LARGE1: variants seen among roughly 807,000 people sequenced by gnomAD.
LARGE1 encodes xylosyl- and glucuronyltransferase LARGE1.
Under a neutral mutation model 87.6 loss-of-function variants are expected in LARGE1, and 43 were observed. That is an observed-to-expected ratio of 0.49 (90% CI 0.38 to 0.63). LARGE1 has a LOEUF of 0.63. Among genes scored for constraint, LARGE1 ranks in the 30% least tolerant of loss-of-function variants. The pLI, the probability that LARGE1 is intolerant of heterozygous loss-of-function variation, is 0.00. For missense variants in LARGE1, 802 were observed against 1,000.2 expected (o/e 0.80, Z 2.67); for synonymous variants, 434 against 394.6 (o/e 1.10, Z -1.18).
intron 6 of LARGE1, among the ~76,000 whole-genome samples, chr22:33,559,609 T>C (rs921821875): frequency 6.6e-6 from 1 of 152,228 alleles, no homozygotes; most frequent in African/African-American, 2.4e-5. Flanking sequence ...GGCTCTACTC[T>C]TAACGCCATT....
At chr22:33,487,566 A>C (rs892550923) in intron 6 of LARGE1, among the ~76,000 whole-genome samples, 1 of 152,178 alleles carries the variant, frequency 6.6e-6, no homozygotes, top group Non-Finnish European at 1.5e-5. Context: ...GTAATCAGAG[A>C]AAGTGCCTAT....
chr22:33,321,212 T>G (rs543824927), intron 10 of LARGE1, among the ~76,000 whole-genome samples: 1 of 152,330 alleles, frequency 6.6e-6, no homozygotes, highest in Non-Finnish European at 1.5e-5. Context: ...ATCATAGTGA[T>G]TATCACAGGA....
intron 7 of LARGE1, among the ~76,000 whole-genome samples, chr22:33,399,173 TCTG>T (rs2065854657): frequency 6.6e-6 from 1 of 152,026 alleles, no homozygotes; most frequent in Admixed American, 6.6e-5. Context: ...TGTGTGATGT[TCTG>T]CTCCCTGTGT....
At chr22:33,645,762 C>T (rs936553367) in intron 3 of LARGE1, among the ~76,000 whole-genome samples, 2 of 152,018 alleles carry the variant, frequency 1.3e-5, no homozygotes, top group African/African-American at 4.8e-5. Context: ...AACAAATGAC[C>T]CCATCAAAAA....
the LARGE1 span, among the ~76,000 whole-genome samples, chr22:33,087,408 GA>G: frequency 6.6e-6 from 1 of 151,920 alleles, no homozygotes; most frequent in Non-Finnish European, 1.5e-5. Context: ...TGCTGTGTAG[GA>G]AAAAAACATT....
intron 1 of LARGE1, among the ~76,000 whole-genome samples, chr22:33,889,578 C>T (rs1201548936): frequency 6.6e-6 from 1 of 152,174 alleles, no homozygotes; most frequent in African/African-American, 2.4e-5. Context: ...CAACTCACGC[C>T]AAGACCATTG....
intron 9 of LARGE1, among the ~76,000 whole-genome samples, chr22:33,366,095 T>G (rs2064579737): frequency 6.6e-6 from 1 of 152,266 alleles, no homozygotes; most frequent in African/African-American, 2.4e-5. Context: ...ATTTGGCCCT[T>G]CACTTTCTAA....
At chr22:33,137,542 G>A in the LARGE1 span, among the ~76,000 whole-genome samples, 6 of 152,224 alleles carry the variant, frequency 3.9e-5, no homozygotes, top group African/African-American at 1.4e-4. Flanking sequence ...ATTTGCATAT[G>A]TAATGAGGAG....
In LARGE1 at chr22:33,384,219, G is replaced by A. The variant is rs2065251221; in HGVS notation, c.978C>T (p.Gly326=). 6.2e-7 allele frequency: 1 copy of A among 1,614,056 alleles called. No individual in the cohort carries two copies. The highest frequency in any genetic ancestry group is 1.7e-4 in the Middle Eastern group (1 of 6,050). ...GGTCAGCTAAGGATGTAGAGAGCAT[G>A]CCCATGAGCTCCCTCTCTGCGGTCA... The part of the protein sequence containing the change: ...WRLTAERELM[G]MLSTSLADQD... The change falls in exon 8 of 15, where the codon GGC becomes GGT. Residue 326 remains glycine (G), a synonymous_variant. Transcript: ENST00000397394.
chr22:33,332,026 TCAACA>T (rs1937777235), intron 10 of LARGE1, among the ~76,000 whole-genome samples: 1 of 152,052 alleles, frequency 6.6e-6, no homozygotes, highest in African/African-American at 2.4e-5. Context: ...TAACCCTCAC[TCAACA>T]GTGACTGCAA....
At chr22:33,591,173 C>T (rs531674705) in intron 5 of LARGE1, among the ~76,000 whole-genome samples, 75 of 152,336 alleles carry the variant, frequency 4.9e-4, no homozygotes, top group African/African-American at 1.8e-3. Context: ...TGCACTCCAG[C>T]CTGGGCAAAG....
At chr22:33,891,473 T>C (rs2146834152) in intron 1 of LARGE1, among the ~76,000 whole-genome samples, 1 of 151,030 alleles carries the variant, frequency 6.6e-6, no homozygotes, top group East Asian at 2.0e-4. Flanking sequence ...GAGGATGCCA[T>C]TCTATTAGGA....
rs373243760 is a variant in LARGE1 at position 33,472,927 on chromosome 22, T to C, written c.788-40662A>G. On this transcript the variant is annotated intron_variant, in intron 6 of 14. Coordinates refer to ENST00000397394, the MANE Select transcript of LARGE1 (RefSeq NM_133642.5). ...TATCTTTCTGCATTTGTAGCTGTCA[T>C]GTGTAAAGGAATTCTGTTGATGCCT... Among the ~76,000 whole-genome samples, 489 of 152,332 alleles carry C rather than the reference T, an allele frequency of 3.2e-3. 3 individuals carry two copies. The highest frequency in any genetic ancestry group is 0.022 in the South Asian group (104 of 4,832).
At chr22:33,551,135 C>T (rs1015459628) in intron 6 of LARGE1, among the ~76,000 whole-genome samples, 3 of 151,580 alleles carry the variant, frequency 2.0e-5, no homozygotes, top group Admixed American at 1.3e-4. Context: ...AAAGCCCTGA[C>T]TTCACCACTA....
Position 33,609,529 on chromosome 22 carries a change from G to T in LARGE1, c.492-4971C>A, listed in dbSNP as rs114500761. Among the ~76,000 whole-genome samples the T allele has an allele frequency of 3.7e-3, 566 of 152,296 alleles. 4 individuals carry two copies. Among genetic ancestry groups the T allele is most frequent in the African/African-American group, 0.013 (540 of 41,566 alleles). On this transcript the variant is annotated intron_variant, in intron 4 of 14. Coordinates refer to ENST00000397394, the MANE Select transcript of LARGE1 (RefSeq NM_133642.5). ...TGGGAGCTCTAAATGGGCAGAGGAG[G>T]AGAAAGGGAGGCATTCAGCAGGGAA...
intron 11 of LARGE1, among the ~76,000 whole-genome samples, chr22:33,222,004 G>A (rs1215683134): frequency 2.0e-5 from 3 of 152,094 alleles, no homozygotes; most frequent in Admixed American, 6.6e-5. Flanking sequence ...AATTCTGCTG[G>A]CTCTTTGCCA....
intron 2 of LARGE1, among the ~76,000 whole-genome samples, chr22:33,683,387 T>C (rs192809885): frequency 1.2e-3 from 185 of 152,358 alleles, no homozygotes; most frequent in Middle Eastern, 3.4e-3. Context: ...TTTGAGTCTG[T>C]TGGCTTTCAG....
In LARGE1 at chr22:33,195,756, C is replaced by CTT. The variant is rs71187249; in HGVS notation, c.1731-28926_1731-28925dup. The stretch of plus-strand genomic sequence containing the variant: ...AAAATTAATTTCTTTTTTCTTTTTT[C>CTT]TTTTTTTTTTTTTTTTGAGACGGAG... On this transcript the variant is annotated intron_variant, in intron 11 of 11. Coordinates refer to the LARGE1 transcript ENST00000608642. Among the ~76,000 whole-genome samples, 605 of 130,718 alleles carry CTT rather than the reference C, an allele frequency of 4.6e-3. 10 individuals are homozygous for CTT. Among genetic ancestry groups the CTT allele is most frequent in the African/African-American group, 0.011 (376 of 34,398 alleles). The allele number at this position is 130,718 out of a possible 152,430, so 85.8% of individuals were successfully genotyped here. A position where few individuals can be genotyped will look rare whatever the true frequency, so the allele number is the denominator to read the frequency against.
intron 6 of LARGE1, among the ~76,000 whole-genome samples, chr22:33,491,905 G>A (rs2069860639): frequency 6.6e-6 from 1 of 152,170 alleles, no homozygotes; most frequent in Admixed American, 6.5e-5. Context: ...TCCCGAGGCA[G>A]CTGAAATGCA....
Sources: allele counts gnomAD v4.1 joint callset (sites outside exome capture counted in the v4.1 genomes callset), GRCh38; gene constraint gnomAD v4.1.1; transcripts MANE v1.5; gene names NCBI Gene and HGNC (gene_info 2026-07-23, HGNC 2026-07-21).